The following CIITA variants were observed in gnomAD, a reference collection of about 807,000 sequenced individuals.
CIITA encodes the protein MHC class II transactivator.
CIITA carries 72 observed loss-of-function variants against 115.1 expected under a neutral mutation model. The observed-to-expected ratio is 0.63, with a 90% CI of 0.52 to 0.76. The LOEUF is 0.76. Among genes scored for constraint, CIITA ranks in the 30% least tolerant of loss-of-function variants. The pLI is 0.00. For missense variants in CIITA, 1,617 were observed against 1,463.8 expected (o/e 1.10, Z -1.71); for synonymous variants, 763 against 635.6 (o/e 1.20, Z -3.02).
chr16:10,908,228 TG>T, intron 11 of CIITA, 79 bp downstream of exon 11: 1 of 1,497,408 alleles, frequency 6.7e-7, no homozygotes, highest in Non-Finnish European at 9.1e-7. Context: ...CAGTGCTCTG[TG>T]GGGTCTCTTT....
At chr16:10,915,437 G>C (rs568882607) in intron 13 of CIITA, 133 bp from the exon 14 acceptor site, 5 of 741,074 alleles carry the variant, frequency 6.7e-6, no homozygotes, top group Admixed American at 5.8e-5. Context: ...GGACCTAAGA[G>C]GCTGGGGTGG....
chr16:10,942,243 G>T lies in CIITA; in HGVS notation n.1369G>T. ...CTCTCGACCGCCCGGGCGGCGAGGC[G>T]GGCCCCCCTGAAGTGGCCCGCGGCT... On this transcript the variant is annotated non_coding_transcript_exon_variant, in exon 2 of 2. Coordinates refer to the CIITA transcript ENST00000573379. This position sits in a 1 kb window ranked among gnomAD's most constrained non-coding sequence, Gnocchi z 5.0. The T allele has an allele frequency of 2.7e-6, 1 of 368,630 alleles. No individual in the cohort carries two copies. Among genetic ancestry groups the T allele is most frequent in the Non-Finnish European group, 4.9e-6 (1 of 205,812 alleles). 22.8% of individuals were successfully genotyped at this position (368,630 alleles called of 1,614,324 possible).
chr16:10,909,355 C>G (rs2039401254), intron 12 of CIITA, among the ~76,000 whole-genome samples, 168 bp downstream of exon 12: 1 of 152,230 alleles, frequency 6.6e-6, no homozygotes, highest in Non-Finnish European at 1.5e-5. Flanking sequence ...CACTCGCTGC[C>G]CAGGCGGAGC....
chr16:10,901,715 C>T lies in CIITA; in HGVS notation c.481+157C>T. ...CTGAGAGCTTGGGGTCCCTTAGAGT[C>T]CTCTAAGGGGCTCACGACTGTTTGT... On this transcript the variant is annotated intron_variant, in intron 6 of 19. Transcript: ENST00000324288. The surrounding 1 kb of genome is among the most constrained non-coding windows in gnomAD (Gnocchi z 6.8). 1 of 785,784 alleles carries T rather than the reference C, an allele frequency of 1.3e-6. No individual in the cohort carries two copies. Among genetic ancestry groups the T allele is most frequent in the Non-Finnish European group, 2.1e-6 (1 of 473,862 alleles). The allele number at this position is 785,784 out of a possible 1,614,324, so 48.7% of individuals were successfully genotyped here.
intron 1 of CIITA, among the ~76,000 whole-genome samples, chr16:10,886,199 A>G: frequency 6.6e-6 from 1 of 151,856 alleles, no homozygotes; most frequent in East Asian, 1.9e-4. Flanking sequence ...CGGCCTCCCA[A>G]AGTGCTGGAA....
Position 10,906,722 on chromosome 16 carries a change from G to A in CIITA, c.1230G>A (p.Pro410=), listed in dbSNP as rs199476069. ...TGGCTGCCAAGGAGCACCGGCGGCC[G>A]CGTGAGACACGAGTGATTGCTGTGC... ...VLLAAKEHRR[P]RETRVIAVLG... Residue 410 remains proline, a synonymous_variant, in exon 11 of 20, where the codon CCG becomes CCA. Transcript: ENST00000324288. The A allele has an allele frequency of 1.8e-4, 295 of 1,611,098 alleles. 2 individuals carry two copies. In the East Asian group the frequency reaches 5.6e-3, roughly 30 times the overall value.
chr16:10,876,477 C>T (rs191534180), upstream of CIITA, among the ~76,000 whole-genome samples: 3 of 152,288 alleles, frequency 2.0e-5, no homozygotes, highest in Admixed American at 1.3e-4. Context: ...TTCTATAAAA[C>T]AGAGTGATCA....
chr16:10,923,346 A>C lies in CIITA; in HGVS notation c.*22+21A>C. On this transcript the variant is annotated intron_variant, in intron 19 of 19. Coordinates refer to ENST00000324288, the MANE Select transcript of CIITA (RefSeq NM_000246.4). This position sits in a 1 kb window ranked among gnomAD's most constrained non-coding sequence, Gnocchi z 5.2. ...ACAGGGTAACCAGGGTGGGCTTGGGAGGGGAGAGCCGCAGTGGGTTGGGGG... is the reference window on the plus strand; with the variant it reads ...ACAGGGTAACCAGGGTGGGCTTGGGCGGGGAGAGCCGCAGTGGGTTGGGGG... The C allele has an allele frequency of 2.1e-5, 15 of 708,352 alleles. No individual in the cohort carries two copies. Among genetic ancestry groups the C allele is most frequent in the African/African-American group, 3.6e-5 (2 of 55,840 alleles). The allele number at this position is 708,352 out of a possible 1,614,324, so 43.9% of individuals were successfully genotyped here.
chr16:10,904,685 A>AG (rs2039016547), intron 9 of CIITA, 59 bp from the exon 10 acceptor site: 6 of 1,581,316 alleles, frequency 3.8e-6, no homozygotes, highest in Admixed American at 1.7e-5. Flanking sequence ...GCCCAGAGGG[A>AG]GGGGGGTCCC....
In CIITA at chr16:10,941,487, G is replaced by T; in HGVS notation, n.613G>T. ...AACGGAGGAGAAGCCTGAGGGAGGGGTGTGTATCCGGCCTGGGAATTCCTC... is the reference window on the plus strand; with the variant it reads ...AACGGAGGAGAAGCCTGAGGGAGGGTTGTGTATCCGGCCTGGGAATTCCTC... On this transcript the variant is annotated non_coding_transcript_exon_variant, in exon 2 of 2. Transcript: ENST00000573379. The surrounding 1 kb of genome is among the most constrained non-coding windows in gnomAD (Gnocchi z 6.4). 7.7e-7 allele frequency: 1 copy of T among 1,305,516 alleles called. No homozygotes were observed. Among genetic ancestry groups the T allele is most frequent in the South Asian group, 1.8e-5 (1 of 55,570 alleles). The allele number at this position is 1,305,516 out of a possible 1,614,324, so 80.9% of individuals were successfully genotyped here.
In CIITA at chr16:10,902,732, A is replaced by C. The variant is rs1186158523; in HGVS notation, c.703A>C (p.Thr235Pro). Residue 235 changes from threonine (T) to proline (P), a missense_variant, in exon 8 of 20, where the codon ACT becomes CCT. By Grantham distance (38) the Thr-to-Pro change is conservative. Transcript: ENST00000324288. ...GPIQFVPTIS[T>P]LPHGLWQISE... Reference sequence around the variant, plus strand: ...CATCCAGTTTGTCCCCACCATCTCCACTCTGCCCCATGGGCTCTGGCAAAT... The same window carrying C: ...CATCCAGTTTGTCCCCACCATCTCCCCTCTGCCCCATGGGCTCTGGCAAAT... 6.2e-7 allele frequency: 1 copy of C among 1,613,428 alleles called. No homozygotes were observed. Among genetic ancestry groups the C allele is most frequent in the South Asian group, 1.1e-5 (1 of 91,038 alleles).
At chr16:10,870,164 T>G (rs1596385674) in intron 1 of CIITA, among the ~76,000 whole-genome samples, 1 of 97,694 alleles carries the variant, frequency 1.0e-5, no homozygotes, top group Non-Finnish European at 1.9e-5. Context: ...TTGCAGTACT[T>G]CCTGCAAAAA....
chr16:10,877,603 T>C (rs1291361318), intron 1 of CIITA, among the ~76,000 whole-genome samples: 1 of 152,112 alleles, frequency 6.6e-6, no homozygotes, highest in Non-Finnish European at 1.5e-5. Flanking sequence ...GTATGAACCA[T>C]GTATCAGCAC....
chr16:10,866,961 T>G (rs763174959), intron 1 of CIITA, among the ~76,000 whole-genome samples: 1 of 151,866 alleles, frequency 6.6e-6, no homozygotes, highest in African/African-American at 2.4e-5. Context: ...ATGAGAGAAA[T>G]GGGGCCGGGT....
In CIITA at chr16:10,923,022, C is replaced by A; in HGVS notation, c.3318-206C>A. 1.7e-6 allele frequency: 1 copy of A among 600,178 alleles called. No homozygotes were observed. The highest frequency in any genetic ancestry group is 3.0e-6 in the Non-Finnish European group (1 of 335,352). 37.2% of individuals were successfully genotyped at this position (600,178 alleles called of 1,614,324 possible). On this transcript the variant is annotated intron_variant, in intron 18 of 19. Transcript: ENST00000324288. This position sits in a 1 kb window ranked among gnomAD's most constrained non-coding sequence, Gnocchi z 5.2. ...AACTAACCTTTCTGGGGTCACACAG[C>A]AAGTCAGCTGCAGAACCATAAAGGA...
rs1337928699 is a variant in CIITA, at chr16:10,901,801, T to G, written c.482-237T>G. On this transcript the variant is annotated intron_variant, in intron 6 of 19. Coordinates refer to ENST00000324288, the MANE Select transcript of CIITA (RefSeq NM_000246.4). This position sits in a 1 kb window ranked among gnomAD's most constrained non-coding sequence, Gnocchi z 6.8. ...CATAGGTTCTATTCTGCCCCAGCTCTCCGTGTGGAGGCCCTAGGGTCCTGC... is the reference window on the plus strand; with the variant it reads ...CATAGGTTCTATTCTGCCCCAGCTCGCCGTGTGGAGGCCCTAGGGTCCTGC... The G allele has an allele frequency of 2.9e-6, 2 of 682,840 alleles. No homozygotes were observed. The highest frequency in any genetic ancestry group is 5.0e-6 in the Non-Finnish European group (2 of 399,778). 42.3% of individuals were successfully genotyped at this position (682,840 alleles called of 1,614,324 possible).
At position 10,923,294 on chromosome 16, in the gene CIITA, C is replaced by T. The variant is rs756481355; in HGVS notation, c.3384C>T (p.Ser1128=). 27 of 1,613,612 alleles carry T rather than the reference C, an allele frequency of 1.7e-5. No individual in the cohort carries two copies. The highest frequency in any genetic ancestry group is 2.3e-5 in the Non-Finnish European group (27 of 1,179,912). The stretch of plus-strand genomic sequence containing the variant: ...TGCAACAACAGGATTCACGGATCAG[C>T]CTGAGATGATCCCAGCTGTGCTCTG... ...EHLQQQDSRI[S]LR Residue 1128 remains serine (S), a synonymous_variant, in exon 19 of 20, where the codon AGC becomes AGT. Coordinates refer to ENST00000324288, the MANE Select transcript of CIITA (RefSeq NM_000246.4). The surrounding 1 kb of genome is among the most constrained non-coding windows in gnomAD (Gnocchi z 5.2).
In CIITA at chr16:10,907,013, A is replaced by T. The variant is rs766992777; in HGVS notation, c.1521A>T (p.Gln507His). The change falls in exon 11 of 20, where the codon CAA (glutamine) becomes CAT (histidine). Residue 507 changes from glutamine (Q) to histidine (H), a missense_variant. Gln to His is a conservative substitution (Grantham distance 24). Coordinates refer to ENST00000324288, the MANE Select transcript of CIITA (RefSeq NM_000246.4). This position sits in a 1 kb window ranked among gnomAD's most constrained non-coding sequence, Gnocchi z 5.0. Reference protein sequence around the residue: ...ILDGFEELEAQDGFLHSTCGP... With the variant: ...ILDGFEELEAHDGFLHSTCGP... ...ACGGCTTCGAGGAGCTGGAAGCGCA[A>T]GATGGCTTCCTGCACAGCACGTGCG... The T allele has an allele frequency of 6.2e-7, 1 of 1,609,478 alleles. No individual in the cohort carries two copies. Among genetic ancestry groups the T allele is most frequent in the East Asian group, 2.2e-5 (1 of 44,834 alleles).
chr16:10,929,122 C>T lies in CIITA; in HGVS notation c.*5267C>T. 1 of 804,542 alleles carries T rather than the reference C, an allele frequency of 1.2e-6. No individual in the cohort carries two copies. Among genetic ancestry groups the T allele is most frequent in the Non-Finnish European group, 1.5e-6 (1 of 664,958 alleles). The allele number at this position is 804,542 out of a possible 1,614,324, so 49.8% of individuals were successfully genotyped here. ...CCACCCTCAGCCCCCCAACAGCTTC[C>T]TCAGCTTCTTTTTCTTCTGAGTCAC... On this transcript the variant is annotated 3_prime_UTR_variant, in exon 20 of 20. Coordinates refer to ENST00000324288, the MANE Select transcript of CIITA (RefSeq NM_000246.4). The surrounding 1 kb of genome is among the most constrained non-coding windows in gnomAD (Gnocchi z 4.3).
Sources: gnomAD v4.1 joint callset for allele counts (sites outside exome capture counted in the v4.1 genomes callset) on GRCh38, gnomAD v4.1.1 for gene constraint, Gnocchi (gnomAD v3.1) non-coding constraint, MANE v1.5 for transcripts, NCBI Gene and HGNC (gene_info 2026-07-23, HGNC 2026-07-21) for gene names.